Variants in R3HDM2 observed in about 807,000 individuals in gnomAD.
R3HDM2 encodes the protein R3H domain containing 2, also known as R3H domain-containing protein 2.
In R3HDM2, 38 loss-of-function variants were observed where a neutral mutation model predicts 124.5. The ratio of observed to expected loss-of-function variants is 0.31; its 90% confidence interval spans 0.24 to 0.40. The LOEUF (loss-of-function observed/expected upper bound fraction) is 0.40, where lower values mean the gene tolerates loss of function less well. Ranked by LOEUF, R3HDM2 falls within the 10% of genes least tolerant of loss-of-function variation. The pLI is 1.00. For synonymous variants in R3HDM2, 391 were observed against 448.0 expected (o/e 0.87, Z 1.61); for missense variants, 869 against 1,236.9 (o/e 0.70, Z 4.46).
intron 2 of R3HDM2, among the ~76,000 whole-genome samples, chr12:57,361,768 AAAGG>A (rs1176414078): frequency 6.6e-6 from 1 of 152,194 alleles, no homozygotes; most frequent in African/African-American, 2.4e-5. Context: ...AACTAAAGCA[AAAGG>A]AAGGTGAAGG....
chr12:57,283,344 G>A (rs1447534342), intron 13 of R3HDM2, among the ~76,000 whole-genome samples: 1 of 151,960 alleles, frequency 6.6e-6, no homozygotes, highest in Non-Finnish European at 1.5e-5. Context: ...AAAATGAGGA[G>A]GACTAAATCC....
At chr12:57,372,158 C>T (rs762253193) in intron 2 of R3HDM2, among the ~76,000 whole-genome samples, 4 of 152,146 alleles carry the variant, frequency 2.6e-5, no homozygotes, top group Admixed American at 6.6e-5. Flanking sequence ...TGAGCCACTG[C>T]ACCCAGCCAA....
chr12:57,286,542 A>G (rs2047372319), intron 12 of R3HDM2, among the ~76,000 whole-genome samples: 1 of 152,128 alleles, frequency 6.6e-6, no homozygotes, highest in Admixed American at 6.6e-5. Flanking sequence ...ATTTTAGATG[A>G]CCTACATCTT....
intron 2 of R3HDM2, among the ~76,000 whole-genome samples, chr12:57,360,006 A>AATAAATAAATAAATATATATATATAT (rs1403496780): frequency 8.5e-6 from 1 of 117,690 alleles, no homozygotes; most frequent in African/African-American, 3.0e-5. Flanking sequence ...TAAATAAATA[A>AATAAATAAATAAATATATATATATAT]ATATATATAT....
intron 2 of R3HDM2, among the ~76,000 whole-genome samples, chr12:57,366,838 C>T (rs922862798): frequency 9.2e-5 from 14 of 152,180 alleles, no homozygotes; most frequent in Middle Eastern, 3.4e-3. Flanking sequence ...TACGGGCGCC[C>T]GCCACCACGC....
At chr12:57,367,782 C>G (rs562791760) in intron 2 of R3HDM2, among the ~76,000 whole-genome samples, 1 of 152,278 alleles carries the variant, frequency 6.6e-6, no homozygotes, top group East Asian at 1.9e-4. Flanking sequence ...GCAGCTATCA[C>G]CAGAACTGTA....
intron 3 of R3HDM2, among the ~76,000 whole-genome samples, chr12:57,308,389 A>C (rs952898359): frequency 1.3e-5 from 2 of 151,450 alleles, no homozygotes; most frequent in African/African-American, 4.9e-5. Flanking sequence ...AGTGTCCATA[A>C]AGCATATAAA....
intron 2 of R3HDM2, among the ~76,000 whole-genome samples, chr12:57,318,611 G>A (rs962171169): frequency 6.6e-6 from 1 of 150,922 alleles, no homozygotes; most frequent in African/African-American, 2.4e-5. Flanking sequence ...TCGTGCCACC[G>A]CACTCCAGCC....
chr12:57,412,190 T>C lies in R3HDM2; in HGVS notation c.-105-16372A>G, dbSNP rs1295168837. ...CTAACTTCATATGAGTTCTAGATTG[T>C]ATTCACAGATCAATATGTAAAATAT... On this transcript the variant is annotated intron_variant, in intron 1 of 23. Transcript: ENST00000402412. 2.6e-5 allele frequency among the ~76,000 whole-genome samples: 4 copies of C among 152,204 alleles called. No individual in the cohort carries two copies. The East Asian group carries it at 7.7e-4, about 29-fold the overall frequency.
intron 20 of R3HDM2, among the ~76,000 whole-genome samples, chr12:57,258,636 C>A (rs2039821180): frequency 6.6e-6 from 1 of 152,010 alleles, no homozygotes; most frequent in South Asian, 2.1e-4. Flanking sequence ...ATGCCTGGCC[C>A]ATTTATGTTA....
intron 14 of R3HDM2, among the ~76,000 whole-genome samples, chr12:57,277,601 C>T (rs1192470775): frequency 6.6e-6 from 1 of 152,150 alleles, no homozygotes; most frequent in African/African-American, 2.4e-5. Context: ...ATGTGCACCA[C>T]CACACCCAGC....
At chr12:57,330,616 A>G (rs993603751) in intron 2 of R3HDM2, among the ~76,000 whole-genome samples, 1 of 149,796 alleles carries the variant, frequency 6.7e-6, no homozygotes, top group African/African-American at 2.5e-5. Context: ...AAGTGCTGGG[A>G]TTACAAGTGT....
At chr12:57,410,642 C>T (rs2068925928) in intron 1 of R3HDM2, among the ~76,000 whole-genome samples, 1 of 152,106 alleles carries the variant, frequency 6.6e-6, no homozygotes, top group East Asian at 1.9e-4. Context: ...CGCCTGAGGC[C>T]AGGAGTTTGA....
chr12:57,267,008 T>C (rs2042580824), intron 18 of R3HDM2, 177 bp from the exon 19 acceptor site: 1 of 530,590 alleles, frequency 1.9e-6, no homozygotes, highest in African/African-American at 1.9e-5. Flanking sequence ...GTTAATTATA[T>C]GTATTTGTAC....
chr12:57,262,899 G>A (rs533521952), intron 19 of R3HDM2, among the ~76,000 whole-genome samples: 30 of 152,166 alleles, frequency 2.0e-4, no homozygotes, highest in African/African-American at 6.7e-4. Context: ...GATCAACCAG[G>A]GTAACTAAGA....
rs182138875 is a variant in R3HDM2, at chr12:57,357,227, G to A, written c.-36+38522C>T. ...AATCCCAGCACTTTGGGAGGCCGAGGCAGGTGGGTGAATCACCTGAGGTCA... is the reference window on the plus strand; with the variant it reads ...AATCCCAGCACTTTGGGAGGCCGAGACAGGTGGGTGAATCACCTGAGGTCA... On this transcript the variant is annotated intron_variant, in intron 2 of 23. Coordinates refer to ENST00000402412, the MANE Select transcript of R3HDM2 (RefSeq NM_001394031.1). 2.0e-5 allele frequency among the ~76,000 whole-genome samples: 3 copies of A among 152,210 alleles called. No individual in the cohort carries two copies. The East Asian group carries it at 5.8e-4, about 29-fold the overall frequency.
At chr12:57,356,062 C>A (rs190182649) in intron 2 of R3HDM2, among the ~76,000 whole-genome samples, 2 of 152,100 alleles carry the variant, frequency 1.3e-5, no homozygotes, top group African/African-American at 4.8e-5. Context: ...GTTTCCCCCA[C>A]CCCCTTACTT....
intron 1 of R3HDM2, among the ~76,000 whole-genome samples, chr12:57,411,916 T>C (rs1358329190): frequency 6.6e-6 from 1 of 152,172 alleles, no homozygotes; most frequent in Non-Finnish European, 1.5e-5. Context: ...ATGCTGTTAT[T>C]GTGATAGTCA....
chr12:57,260,298 A>G (rs1395886278), intron 19 of R3HDM2, among the ~76,000 whole-genome samples: 1 of 149,098 alleles, frequency 6.7e-6, no homozygotes, highest in Non-Finnish European at 1.5e-5. Context: ...CTGCTGAAAC[A>G]GAATGAAGAG....
Sources: gnomAD v4.1 joint callset for allele counts (sites outside exome capture counted in the v4.1 genomes callset) on GRCh38, gnomAD v4.1.1 for gene constraint, MANE v1.5 for transcripts, NCBI Gene and HGNC (gene_info 2026-07-23, HGNC 2026-07-21) for gene names.